The following FDX1 variants were observed in gnomAD, a reference collection of about 807,000 sequenced individuals.
FDX1 encodes adrenodoxin, mitochondrial.
In FDX1, 9 loss-of-function variants were observed where a neutral mutation model predicts 14.9. The ratio of observed to expected loss-of-function variants is 0.60; its 90% confidence interval spans 0.36 to 1.05. The LOEUF (loss-of-function observed/expected upper bound fraction) is 1.05, where lower values mean the gene tolerates loss of function less well. FDX1 is among the 50% of genes least tolerant of loss of function. The pLI is 0.01. For synonymous variants in FDX1, 92 were observed against 99.4 expected (o/e 0.93, Z 0.44); for missense variants, 204 against 237.2 (o/e 0.86, Z 0.92).
chr11:110,437,006 A>C (rs1384884900), intron 2 of FDX1, among the ~76,000 whole-genome samples: 1 of 152,026 alleles, frequency 6.6e-6, no homozygotes, highest in Admixed American at 6.5e-5. Context: ...TCTTTTTAAA[A>C]ATTTTTTGAG....
At chr11:110,455,496 A>G (rs186194187) in intron 2 of FDX1, among the ~76,000 whole-genome samples, 2 of 152,318 alleles carry the variant, frequency 1.3e-5, no homozygotes, top group South Asian at 2.1e-4. Context: ...TGAGGACTCT[A>G]TATTCTTTGA....
chr11:110,458,083 T>C (rs567517427), intron 3 of FDX1, among the ~76,000 whole-genome samples: 1 of 152,322 alleles, frequency 6.6e-6, no homozygotes, highest in South Asian at 2.1e-4. Flanking sequence ...CTAAATCCAA[T>C]GACTGTATTA....
chr11:110,433,171 A>G (rs1946342274), intron 1 of FDX1, among the ~76,000 whole-genome samples: 1 of 152,232 alleles, frequency 6.6e-6, no homozygotes, highest in South Asian at 2.1e-4. Context: ...GTGTGTATAA[A>G]TGATGGAATT....
At chr11:110,444,893 C>T (rs1008287378) in intron 2 of FDX1, among the ~76,000 whole-genome samples, 4 of 151,264 alleles carry the variant, frequency 2.6e-5, no homozygotes, top group Non-Finnish European at 4.4e-5. Context: ...CTATTTAACA[C>T]GACCGACCCG....
Position 110,456,919 on chromosome 11 carries a change from T to G in FDX1, c.312T>G (p.Gly104=). 1 of 1,610,926 alleles carries G rather than the reference T, an allele frequency of 6.2e-7. No individual in the cohort carries two copies. Among genetic ancestry groups the G allele is most frequent in the Admixed American group, 1.7e-5 (1 of 59,858 alleles). The change falls in exon 3 of 4, where the codon GGT becomes GGG. Residue 104 remains glycine (G), a splice_region_variant and synonymous_variant. Coordinates refer to ENST00000260270, the MANE Select transcript of FDX1 (RefSeq NM_004109.5). The part of the protein sequence containing the change: ...VENNLDIDGF[G]ACEGTLACST... The stretch of plus-strand genomic sequence containing the variant: ...TTCAGTGTTTGTTGCTTTTGTCAGG[T>G]GCATGTGAGGGAACCCTGGCTTGTT...
chr11:110,439,408 C>G (rs1312126483), intron 2 of FDX1, among the ~76,000 whole-genome samples: 1 of 152,100 alleles, frequency 6.6e-6, no homozygotes, highest in African/African-American at 2.4e-5. Context: ...TGGGGTTTCC[C>G]ATGTTGGCCA....
chr11:110,454,095 T>TA (rs1437329495), intron 2 of FDX1, among the ~76,000 whole-genome samples: 2 of 152,226 alleles, frequency 1.3e-5, no homozygotes. Context: ...AATGGGAACT[T>TA]AGTGTGTAGG....
chr11:110,446,983 T>G (rs900954215), intron 2 of FDX1, among the ~76,000 whole-genome samples: 2 of 152,118 alleles, frequency 1.3e-5, no homozygotes, highest in African/African-American at 4.8e-5. Flanking sequence ...GAGACCAGCC[T>G]GGGCAACATG....
At chr11:110,450,550 G>T (rs1946479930) in intron 2 of FDX1, among the ~76,000 whole-genome samples, 1 of 152,136 alleles carries the variant, frequency 6.6e-6, no homozygotes, top group South Asian at 2.1e-4. Flanking sequence ...TGTAAGACAT[G>T]ATGTATTTTT....
chr11:110,460,469 C>T (rs1202276810), intron 3 of FDX1, among the ~76,000 whole-genome samples: 1 of 152,206 alleles, frequency 6.6e-6, no homozygotes, highest in South Asian at 2.1e-4. Flanking sequence ...TTGCCTTTGC[C>T]TCACATACTT....
intron 2 of FDX1, among the ~76,000 whole-genome samples, chr11:110,452,220 T>C (rs1029037646): frequency 1.3e-5 from 2 of 151,906 alleles, no homozygotes; most frequent in Non-Finnish European, 2.9e-5. Context: ...TAAATTCTTA[T>C]ATATAAGAAA....
At chr11:110,457,781 A>G (rs1416582843) in intron 3 of FDX1, among the ~76,000 whole-genome samples, 1 of 152,220 alleles carries the variant, frequency 6.6e-6, no homozygotes, top group African/African-American at 2.4e-5. Flanking sequence ...CATGTGTATT[A>G]TATAGCTACA....
intron 2 of FDX1, among the ~76,000 whole-genome samples, chr11:110,451,965 A>G (rs772685084): frequency 1.3e-5 from 2 of 152,242 alleles, no homozygotes; most frequent in Non-Finnish European, 2.9e-5. Context: ...GTGCAAAGCA[A>G]TTAGTGAAGA....
In FDX1 at chr11:110,440,567, T is replaced by G. The variant is rs557313928; in HGVS notation, c.310+4609T>G. On this transcript the variant is annotated intron_variant, in intron 2 of 3. Transcript: ENST00000260270. ...TGACAGAATGGGTAAACCATGCTAT[T>G]GTTTGTGTGCATTGGAAGTTGTGGC... 3.3e-5 allele frequency among the ~76,000 whole-genome samples: 5 copies of G among 152,332 alleles called. No individual in the cohort carries two copies. The East Asian group carries it at 9.6e-4, about 29-fold the overall frequency.
At chr11:110,439,309 G>A (rs1424609285) in intron 2 of FDX1, among the ~76,000 whole-genome samples, 2 of 152,040 alleles carry the variant, frequency 1.3e-5, no homozygotes, top group Non-Finnish European at 1.5e-5. Context: ...CTGGGTTAAA[G>A]CAATTCTCCT....
chr11:110,453,004 A>G (rs1277545463), intron 2 of FDX1, among the ~76,000 whole-genome samples: 3 of 152,196 alleles, frequency 2.0e-5, no homozygotes, highest in East Asian at 1.9e-4. Context: ...CTGTACCCTC[A>G]GTGTGGTGGT....
intron 3 of FDX1, among the ~76,000 whole-genome samples, chr11:110,462,013 A>T (rs769687439): frequency 2.0e-5 from 3 of 152,210 alleles, no homozygotes; most frequent in Non-Finnish European, 4.4e-5. Flanking sequence ...TGGCCTTGCT[A>T]ATAACCTCAG....
intron 2 of FDX1, among the ~76,000 whole-genome samples, chr11:110,444,728 A>ATATATATATACACG (rs1946436629): frequency 1.5e-5 from 1 of 67,600 alleles, no homozygotes; most frequent in African/African-American, 6.5e-5. Flanking sequence ...ATATACGTAT[A>ATATATATATACACG]TATATATATA....
intron 2 of FDX1, among the ~76,000 whole-genome samples, chr11:110,450,868 CT>C (rs1946481913): frequency 6.6e-6 from 1 of 152,066 alleles, no homozygotes. Flanking sequence ...TGTTCATTTA[CT>C]TTTATATAGC....
Sources: allele counts gnomAD v4.1 joint callset (sites outside exome capture counted in the v4.1 genomes callset), GRCh38; gene constraint gnomAD v4.1.1; transcripts MANE v1.5; gene names NCBI Gene and HGNC (gene_info 2026-07-23, HGNC 2026-07-21).